The following PCBP3 variants were observed in gnomAD, a reference collection of about 807,000 sequenced individuals.
PCBP3 encodes the protein poly(rC) binding protein 3.
Under a neutral mutation model 52.7 loss-of-function variants are expected in PCBP3, and 25 were observed. The observed-to-expected ratio is 0.47, with a 90% CI of 0.35 to 0.66. PCBP3 has a LOEUF of 0.66. Ranked by LOEUF, PCBP3 falls within the 30% of genes least tolerant of loss-of-function variation. The pLI is 0.01. For missense variants in PCBP3, 391 were observed against 490.3 expected (o/e 0.80, Z 1.91); for synonymous variants, 162 against 183.0 (o/e 0.89, Z 0.93).
In PCBP3 at chr21:45,884,158, A is replaced by G. The variant is rs930839432; in HGVS notation, c.11-12050A>G. ...CCTGTGTTGCCCAGGCTGGCCTTGAACTCCTGGGCTCAAGTGATCCTCCCA... is the reference window on the plus strand; with the variant it reads ...CCTGTGTTGCCCAGGCTGGCCTTGAGCTCCTGGGCTCAAGTGATCCTCCCA... On this transcript the variant is annotated intron_variant, in intron 5 of 17. Transcript: ENST00000681687. Among the ~76,000 whole-genome samples, 7 of 150,672 alleles carry G rather than the reference A, an allele frequency of 4.6e-5. No homozygotes were observed. In the East Asian group the frequency reaches 1.4e-3, roughly 30 times the overall value.
At chr21:45,781,461 T>C (rs894032305) in intron 4 of PCBP3, among the ~76,000 whole-genome samples, 3 of 152,110 alleles carry the variant, frequency 2.0e-5, no homozygotes, top group Non-Finnish European at 2.9e-5. Flanking sequence ...AGAACCACGA[T>C]GAGAAACCAC....
At chr21:45,833,632 C>G (rs1354463114) in intron 4 of PCBP3, among the ~76,000 whole-genome samples, 2 of 152,242 alleles carry the variant, frequency 1.3e-5, no homozygotes, top group African/African-American at 2.4e-5. Flanking sequence ...GGGCCACCCC[C>G]CTGAGCACGA....
At chr21:45,871,126 C>A (rs7278331) in intron 5 of PCBP3, 2 of 177,658 alleles carry the variant, frequency 1.1e-5, no homozygotes, top group Admixed American at 6.6e-5. Flanking sequence ...CAGGGAAGGC[C>A]GTGCAGCCCA....
At chr21:45,858,397 G>A (rs543891055) in intron 5 of PCBP3, 15 of 152,330 alleles carry the variant, frequency 9.8e-5, no homozygotes, top group Admixed American at 3.3e-4. Flanking sequence ...GAGGAGGAAC[G>A]GCTTCTCGTC....
Position 45,809,499 on chromosome 21 carries a change from G to A in PCBP3, c.-125-40462G>A, listed in dbSNP as rs74850458. 3.5e-3 allele frequency among the ~76,000 whole-genome samples: 539 copies of A among 152,344 alleles called. 2 individuals carry two copies. Among genetic ancestry groups the A allele is most frequent in the African/African-American group, 0.012 (482 of 41,588 alleles). ...GCTCACTGGGGCTGGAGTTGCTGGT[G>A]GTTCTGGGCTGGGGCCTGTCAGCCT... On this transcript the variant is annotated intron_variant, in intron 4 of 17. Transcript: ENST00000681687.
intron 10 of PCBP3, among the ~76,000 whole-genome samples, chr21:45,909,732 A>AGACCTGGCCCACCCACTGCCCAGATACG (rs2096292726): frequency 1.5e-5 from 1 of 67,756 alleles, no homozygotes; most frequent in Non-Finnish European, 3.0e-5. Context: ...GCCCAGATAC[A>AGACCTGGCCCACCCACTGCCCAGATACG]GACCTGGCCC....
intron 8 of PCBP3, 21 bp downstream of exon 8, chr21:45,900,644 C>A (rs1025165544): frequency 4.2e-6 from 6 of 1,443,884 alleles, no homozygotes; most frequent in Non-Finnish European, 5.8e-6. Flanking sequence ...TGGGTCCCCA[C>A]CTGTCCGCAG....
At chr21:45,885,868 G>A (rs2095504898) in intron 5 of PCBP3, among the ~76,000 whole-genome samples, 1 of 152,130 alleles carries the variant, frequency 6.6e-6, no homozygotes, top group East Asian at 1.9e-4. Flanking sequence ...TGTCATCCTG[G>A]GGCTGACACT....
intron 13 of PCBP3, 23 bp from the exon 14 acceptor site, chr21:45,929,894 C>T (rs1176073045): frequency 3.1e-6 from 5 of 1,587,438 alleles, no homozygotes; most frequent in South Asian, 2.2e-5. Flanking sequence ...ACCTTCTTAG[C>T]TCTCGTGTCC....
rs571770632 is a variant in PCBP3 at position 45,807,747 on chromosome 21, A to AT, written c.-125-42214_-125-42213insT. Among the ~76,000 whole-genome samples, 539 of 151,780 alleles carry AT rather than the reference A, an allele frequency of 3.6e-3. 2 individuals are homozygous for AT. Among genetic ancestry groups the AT allele is most frequent in the African/African-American group, 0.012 (482 of 41,164 alleles). Reference sequence around the variant, plus strand: ...GCTAAGACAATTCTAAGCAAAAAAAACAAAAACAAAACAAAAAAAAAACCT... The same window carrying AT: ...GCTAAGACAATTCTAAGCAAAAAAAATCAAAAACAAAACAAAAAAAAAACCT... On this transcript the variant is annotated intron_variant, in intron 4 of 17. Coordinates refer to ENST00000681687, the MANE Select transcript of PCBP3 (RefSeq NM_001384156.1).
chr21:45,930,012 TTTCTCACCTCCTTCTC>T lies in PCBP3; in HGVS notation c.796+27_796+42del. 1 of 1,572,354 alleles carries T rather than the reference TTTCTCACCTCCTTCTC, an allele frequency of 6.4e-7. No homozygotes were observed. The highest frequency in any genetic ancestry group is 8.8e-7 in the Non-Finnish European group (1 of 1,142,402). ...CTTTCCCCGGTACGTACCCAGCCCT[TTTCTCACCTCCTTCTC>T]TTCTCACCTGGGGACTTTCTCTTTC... On this transcript the variant is annotated intron_variant, in intron 14 of 17. Coordinates refer to ENST00000681687, the MANE Select transcript of PCBP3 (RefSeq NM_001384156.1).
chr21:45,684,641 A>T (rs1280389905), intron 2 of PCBP3, among the ~76,000 whole-genome samples: 1 of 151,986 alleles, frequency 6.6e-6, no homozygotes, highest in African/African-American at 2.4e-5. Context: ...TTCCTCTTTC[A>T]CCTTCCACCA....
chr21:45,659,337 CTTTTTTTTTT>C lies in PCBP3; in HGVS notation c.-278-9523_-278-9514del, dbSNP rs36113182. On this transcript the variant is annotated intron_variant, in intron 1 of 17. Transcript: ENST00000681687. Reference sequence around the variant, plus strand: ...ATATGTTGTGCTTTCTTTTACTTTCCTTTTTTTTTTTTTTTTTTTTTTTGAGACAGGGCCT... The same window carrying C: ...ATATGTTGTGCTTTCTTTTACTTTCCTTTTTTTTTTTTTGAGACAGGGCCT... 2.8e-4 allele frequency among the ~76,000 whole-genome samples: 22 copies of C among 78,738 alleles called. No homozygotes were observed. In the East Asian group the frequency reaches 4.6e-3, roughly 16 times the overall value. The allele number at this position is 78,738 out of a possible 152,430, so 51.7% of individuals were successfully genotyped here.
chr21:45,801,312 G>A (rs1020802240), intron 4 of PCBP3, among the ~76,000 whole-genome samples: 1 of 152,230 alleles, frequency 6.6e-6, no homozygotes, highest in Non-Finnish European at 1.5e-5. Flanking sequence ...TGGCCAGTCT[G>A]TCTGAGTCCT....
At chr21:45,910,189 CACCCACTGCCCAGATA>C (rs2096353127) in intron 10 of PCBP3, among the ~76,000 whole-genome samples, 1 of 83,678 alleles carries the variant, frequency 1.2e-5, no homozygotes, top group African/African-American at 5.4e-5. Flanking sequence ...GGACCCCCCC[CACCCACTGCCCAGATA>C]CGGACCCCCC....
intron 13 of PCBP3, among the ~76,000 whole-genome samples, chr21:45,925,863 A>T (rs897928785): frequency 6.6e-6 from 1 of 152,256 alleles, no homozygotes; most frequent in African/African-American, 2.4e-5. Context: ...ATTATAGCAA[A>T]AACTTGGCAC....
chr21:45,737,457 A>G lies in PCBP3; in HGVS notation c.-162+2028A>G, dbSNP rs1436235884. 6.6e-6 allele frequency among the ~76,000 whole-genome samples: 1 copy of G among 152,142 alleles called. No homozygotes were observed. The highest frequency in any genetic ancestry group is 1.5e-5 in the Non-Finnish European group (1 of 68,024). ...ACAACACCTGTTATGTGCTGTTCCC[A>G]TTTTCTCTTCGACTTTGGTGTTGTC... On this transcript the variant is annotated intron_variant, in intron 3 of 17. Transcript: ENST00000681687. This position sits in a 1 kb window ranked among gnomAD's most constrained non-coding sequence, Gnocchi z 4.9.
chr21:45,925,699 GA>G (rs1190779320), intron 13 of PCBP3, among the ~76,000 whole-genome samples: 9 of 151,736 alleles, frequency 5.9e-5, no homozygotes, highest in African/African-American at 2.2e-4. Flanking sequence ...TCAGTAGGGG[GA>G]AAAAAACAAG....
intron 4 of PCBP3, among the ~76,000 whole-genome samples, chr21:45,840,419 T>G (rs1433670345): frequency 7.1e-6 from 1 of 140,890 alleles, no homozygotes; most frequent in South Asian, 2.2e-4. Flanking sequence ...ATTGCGCCAC[T>G]GCACTCCAGC....
Sources: allele counts gnomAD v4.1 joint callset (sites outside exome capture counted in the v4.1 genomes callset), GRCh38; gene constraint gnomAD v4.1.1; non-coding constraint Gnocchi (gnomAD v3.1); transcripts MANE v1.5; gene names NCBI Gene and HGNC (gene_info 2026-07-23, HGNC 2026-07-21).